XPO4: variants seen among roughly 807,000 people sequenced by gnomAD.
The protein encoded by XPO4 is exportin-4.
A neutral mutation model predicts 143.0 loss-of-function variants in XPO4; 39 were observed. The observed-to-expected ratio is 0.27, with a 90% CI of 0.21 to 0.36. The LOEUF is 0.36. XPO4 is among the 10% of genes least tolerant of loss of function. The pLI, the probability that XPO4 is intolerant of heterozygous loss-of-function variation, is 1.00. For synonymous variants in XPO4, 439 were observed against 474.0 expected (o/e 0.93, Z 0.96); for missense variants, 907 against 1,348.0 (o/e 0.67, Z 5.12).
intron 19 of XPO4, 63 bp from the exon 20 acceptor site, chr13:20,788,679 G>T (rs891359603): frequency 7.1e-7 from 1 of 1,407,900 alleles, no homozygotes; most frequent in African/African-American, 1.5e-5. Flanking sequence ...TTTCATCAAT[G>T]CAATAAAATA....
intron 12 of XPO4, 50 bp downstream of exon 12, chr13:20,808,386 T>A (rs1231725383): frequency 1.4e-6 from 2 of 1,475,856 alleles, no homozygotes; most frequent in Non-Finnish European, 1.8e-6. Flanking sequence ...CTTTTAAGGC[T>A]TAAATTGCTC....
intron 3 of XPO4, 24 bp from the exon 4 acceptor site, chr13:20,855,789 G>A: frequency 4.5e-6 from 7 of 1,553,486 alleles, no homozygotes; most frequent in East Asian, 2.3e-5. Context: ...AAATCATTGT[G>A]AAAAATTTAC....
chr13:20,783,596 A>T lies in XPO4; in HGVS notation c.*126T>A, dbSNP rs765384944. The T allele has an allele frequency of 1.7e-4, 167 of 957,294 alleles. No individual in the cohort carries two copies. The highest frequency in any genetic ancestry group is 2.6e-4 in the Non-Finnish European group (160 of 617,766). The allele number at this position is 957,294 out of a possible 1,614,324, so 59.3% of individuals were successfully genotyped here. A position where few individuals can be genotyped will look rare whatever the true frequency, so the allele number is the denominator to read the frequency against. On this transcript the variant is annotated 3_prime_UTR_variant, in exon 23 of 23. Transcript: ENST00000255305. ...TTTCACTGTATTACATACATATCAAAGTTTCAGGCTCTCCAAAATCCAAAA... is the reference window on the plus strand; with the variant it reads ...TTTCACTGTATTACATACATATCAATGTTTCAGGCTCTCCAAAATCCAAAA...
At chr13:20,822,468 T>A (rs1292841521) in intron 7 of XPO4, among the ~76,000 whole-genome samples, 179 bp from the exon 8 acceptor site, 1 of 152,216 alleles carries the variant, frequency 6.6e-6, no homozygotes, top group Admixed American at 6.5e-5. Flanking sequence ...TACAGGTCAT[T>A]ATTTTAAACA....
intron 1 of XPO4, among the ~76,000 whole-genome samples, chr13:20,885,360 A>G (rs942943003): frequency 9.9e-5 from 15 of 152,230 alleles, no homozygotes; most frequent in African/African-American, 3.4e-4. Flanking sequence ...ACTGTGGTCA[A>G]TAAGATATTA....
At chr13:20,898,915 C>G (rs2060593741) in intron 1 of XPO4, among the ~76,000 whole-genome samples, 1 of 152,152 alleles carries the variant, frequency 6.6e-6, no homozygotes, top group South Asian at 2.1e-4. Flanking sequence ...GTAGCTTACG[C>G]CTATAATTCC....
At chr13:20,815,808 G>T (rs1830307885) in intron 9 of XPO4, among the ~76,000 whole-genome samples, 1 of 152,144 alleles carries the variant, frequency 6.6e-6, no homozygotes, top group Non-Finnish European at 1.5e-5. Flanking sequence ...CAACAGTTTG[G>T]AAGTGAAAAC....
chr13:20,827,254 G>C (rs1216897439), intron 6 of XPO4, 75 bp from the exon 7 acceptor site: 1 of 1,051,430 alleles, frequency 9.5e-7, no homozygotes, highest in Non-Finnish European at 1.5e-6. Context: ...AAATATAACA[G>C]GAGCCATCTA....
intron 3 of XPO4, among the ~76,000 whole-genome samples, chr13:20,858,351 AT>A (rs1405461970): frequency 4.6e-5 from 7 of 152,216 alleles, no homozygotes; most frequent in African/African-American, 1.7e-4. Context: ...TATTGAGATT[AT>A]GCTTTCAGAA....
intron 2 of XPO4, 111 bp from the exon 3 acceptor site, chr13:20,862,969 C>A: frequency 6.6e-7 from 1 of 1,519,106 alleles, no homozygotes. Context: ...AGATGGTTAC[C>A]TGTTCTTTTT....
intron 1 of XPO4, among the ~76,000 whole-genome samples, chr13:20,883,495 A>T (rs1384076139): frequency 4.6e-5 from 7 of 152,238 alleles, no homozygotes; most frequent in African/African-American, 1.7e-4. Flanking sequence ...TGTATTTCTT[A>T]GAGCAATAAG....
At chr13:20,861,430 G>A (rs2060197255) in intron 3 of XPO4, among the ~76,000 whole-genome samples, 1 of 151,364 alleles carries the variant, frequency 6.6e-6, no homozygotes, top group African/African-American at 2.4e-5. Context: ...CAAGTAGCTG[G>A]GACTACAGGC....
intron 8 of XPO4, 81 bp downstream of exon 8, chr13:20,822,050 AT>A: frequency 1.3e-6 from 2 of 1,484,202 alleles, no homozygotes; most frequent in Non-Finnish European, 1.8e-6. Flanking sequence ...GGGGGAAAAA[AT>A]AACTAGTTTC....
At chr13:20,862,500 T>C (rs1030783865) in intron 3 of XPO4, among the ~76,000 whole-genome samples, 3 of 152,172 alleles carry the variant, frequency 2.0e-5, no homozygotes, top group Non-Finnish European at 2.9e-5. Context: ...TTTTCTTTTT[T>C]TGTACTTAGT....
chr13:20,822,849 A>C (rs191902766), intron 7 of XPO4, among the ~76,000 whole-genome samples: 171 of 152,320 alleles, frequency 1.1e-3, no homozygotes, highest in African/African-American at 3.9e-3. Context: ...TTTAACCTAC[A>C]TCATTGCTAT....
At chr13:20,868,575 A>T in intron 2 of XPO4, 21 bp downstream of exon 2, 3 of 1,606,218 alleles carry the variant, frequency 1.9e-6, no homozygotes, top group Non-Finnish European at 2.5e-6. Context: ...AATATTTTAT[A>T]TTTTTTAAGT....
At chr13:20,850,707 G>T in intron 4 of XPO4, 1 of 761,870 alleles carries the variant, frequency 1.3e-6, no homozygotes, top group Non-Finnish European at 1.6e-6. Flanking sequence ...CGAGGCAGCA[G>T]TGAGTTATGA....
chr13:20,902,098 G>T, intron 1 of XPO4: 1 of 985,396 alleles, frequency 1.0e-6, no homozygotes, highest in Non-Finnish European at 1.2e-6. Flanking sequence ...TTGCCCCAAT[G>T]ACCTTGGTCT....
chr13:20,862,903 A>G, intron 2 of XPO4, 45 bp from the exon 3 acceptor site: 3 of 1,602,126 alleles, frequency 1.9e-6, no homozygotes, highest in Non-Finnish European at 2.6e-6. Context: ...AATTCATTTT[A>G]CCTTGCACAT....
Sources: allele counts gnomAD v4.1 joint callset (sites outside exome capture counted in the v4.1 genomes callset), GRCh38; gene constraint gnomAD v4.1.1; transcripts MANE v1.5; gene names NCBI Gene and HGNC (gene_info 2026-07-23, HGNC 2026-07-21).